GALNT13: variants seen among roughly 807,000 people sequenced by gnomAD.
GALNT13 encodes the protein UDP-GalNAc:polypeptide N-acetylgalactosaminyltransferase 13.
In GALNT13, 28 loss-of-function variants were observed where a neutral mutation model predicts 64.2. The ratio of observed to expected loss-of-function variants is 0.44; its 90% CI spans 0.32 to 0.60. GALNT13 has a LOEUF of 0.60. Ranked by LOEUF, GALNT13 falls within the 20% of genes least tolerant of loss-of-function variation. The pLI is 0.05. For missense variants in GALNT13, 577 were observed against 669.8 expected (o/e 0.86, Z 1.53); for synonymous variants, 214 against 224.6 (o/e 0.95, Z 0.42).
intron 4 of GALNT13, among the ~76,000 whole-genome samples, chr2:154,219,277 G>T (rs1302272893): frequency 2.6e-5 from 4 of 151,948 alleles, no homozygotes; most frequent in Non-Finnish European, 5.9e-5. Flanking sequence ...TATGAGGTAG[G>T]TGTTATTAGT....
chr2:153,711,789 A>G, the GALNT13 span, among the ~76,000 whole-genome samples: 2 of 152,168 alleles, frequency 1.3e-5, no homozygotes, highest in Non-Finnish European at 2.9e-5. Flanking sequence ...CCCCTCTATT[A>G]TCAGTTGTTG....
the GALNT13 span, among the ~76,000 whole-genome samples, chr2:153,861,234 A>T: frequency 6.6e-6 from 1 of 152,210 alleles, no homozygotes; most frequent in Non-Finnish European, 1.5e-5. Flanking sequence ...AATTCTCAAA[A>T]TATCTATTAT....
intron 3 of GALNT13, among the ~76,000 whole-genome samples, chr2:154,109,690 T>G (rs1481340745): frequency 1.3e-5 from 2 of 152,194 alleles, no homozygotes; most frequent in Non-Finnish European, 2.9e-5. Flanking sequence ...GATGAAAGTT[T>G]GTTGAATTTT....
chr2:153,786,310 C>T, the GALNT13 span, among the ~76,000 whole-genome samples: 9 of 152,014 alleles, frequency 5.9e-5, no homozygotes, highest in African/African-American at 9.7e-5. Context: ...GTAGTCACTA[C>T]GCTGACACCT....
At chr2:154,203,913 C>A (rs1348682550) in intron 4 of GALNT13, among the ~76,000 whole-genome samples, 1 of 152,150 alleles carries the variant, frequency 6.6e-6, no homozygotes, top group Non-Finnish European at 1.5e-5. Flanking sequence ...GGGGTCACTC[C>A]TTCAATAGTG....
chr2:153,292,596 A>G, the GALNT13 span, among the ~76,000 whole-genome samples: 2 of 152,170 alleles, frequency 1.3e-5, no homozygotes, highest in Non-Finnish European at 2.9e-5. Context: ...TTGGGGGTAC[A>G]GTGGCAGCAG....
chr2:153,094,137 T>C, the GALNT13 span, among the ~76,000 whole-genome samples: 56,630 of 152,038 alleles, frequency 0.37, 10,993 homozygotes, highest in Non-Finnish European at 0.44. Flanking sequence ...TTGTATTGTT[T>C]ATTACAATTT....
the GALNT13 span, among the ~76,000 whole-genome samples, chr2:153,193,598 AAAAC>A: frequency 5.9e-3 from 889 of 151,860 alleles, 13 homozygotes; most frequent in African/African-American, 0.02. Context: ...AAGTATAATA[AAAAC>A]AAACAAACAA....
the GALNT13 span, among the ~76,000 whole-genome samples, chr2:153,356,792 T>A: frequency 2.8e-5 from 3 of 107,844 alleles, no homozygotes. Context: ...TCTTCCTCTT[T>A]TTTTTTTTTT....
intron 9 of GALNT13, among the ~76,000 whole-genome samples, chr2:154,307,584 C>T (rs541765832): frequency 1.3e-5 from 2 of 151,216 alleles, no homozygotes; most frequent in Non-Finnish European, 2.9e-5. Flanking sequence ...AATAGACATA[C>T]TTTGAAATAG....
At chr2:153,212,113 A>C in the GALNT13 span, among the ~76,000 whole-genome samples, 1 of 152,174 alleles carries the variant, frequency 6.6e-6, no homozygotes, top group African/African-American at 2.4e-5. Context: ...AGCACATCCT[A>C]CTGTCAAATC....
chr2:153,862,419 T>C, the GALNT13 span, among the ~76,000 whole-genome samples: 1 of 152,180 alleles, frequency 6.6e-6, no homozygotes, highest in Non-Finnish European at 1.5e-5. Flanking sequence ...GAAGGGTGAA[T>C]TCTCATGTTT....
At chr2:153,330,314 A>G in the GALNT13 span, among the ~76,000 whole-genome samples, 1 of 152,192 alleles carries the variant, frequency 6.6e-6, no homozygotes. Flanking sequence ...TTCTGTGAAA[A>G]ATGATGTTGG....
At chr2:153,132,637 T>C in the GALNT13 span, among the ~76,000 whole-genome samples, 2 of 152,174 alleles carry the variant, frequency 1.3e-5, no homozygotes, top group African/African-American at 4.8e-5. Flanking sequence ...AGCCTGAAAA[T>C]ATTTCTGTAG....
At chr2:154,123,656 C>T (rs1337852366) in intron 3 of GALNT13, among the ~76,000 whole-genome samples, 1 of 151,932 alleles carries the variant, frequency 6.6e-6, no homozygotes, top group Non-Finnish European at 1.5e-5. Context: ...AACGGTTTGT[C>T]ATTTCTTATA....
At chr2:153,892,678 T>C (rs1687630529) in intron 1 of GALNT13, among the ~76,000 whole-genome samples, 1 of 152,072 alleles carries the variant, frequency 6.6e-6, no homozygotes, top group Non-Finnish European at 1.5e-5. Flanking sequence ...AAAATAACTT[T>C]TCACATTACT....
chr2:153,878,022 T>C (rs1686508418), intron 1 of GALNT13, among the ~76,000 whole-genome samples: 1 of 152,214 alleles, frequency 6.6e-6, no homozygotes. Context: ...TATTCTGCCT[T>C]GAAGCCAATA....
chr2:154,210,638 T>C (rs1174389502), intron 4 of GALNT13, among the ~76,000 whole-genome samples: 3 of 152,226 alleles, frequency 2.0e-5, no homozygotes, highest in African/African-American at 7.2e-5. Context: ...TTAAATATAA[T>C]GTGGGACACT....
chr2:153,355,258 G>A, the GALNT13 span, among the ~76,000 whole-genome samples: 1 of 152,122 alleles, frequency 6.6e-6, no homozygotes, highest in African/African-American at 2.4e-5. Flanking sequence ...CTAGAAGAAA[G>A]AATATGAATA....
Sources: allele counts gnomAD v4.1 joint callset (sites outside exome capture counted in the v4.1 genomes callset), GRCh38; gene constraint gnomAD v4.1.1; transcripts MANE v1.5; gene names NCBI Gene and HGNC (gene_info 2026-07-23, HGNC 2026-07-21).